KIAA1217: variants seen among roughly 807,000 people sequenced by gnomAD.
KIAA1217 encodes the protein KIAA1217.
Under a neutral mutation model 163.9 loss-of-function variants are expected in KIAA1217, and 88 were observed. That is an observed-to-expected ratio of 0.54 (90% confidence interval 0.45 to 0.64). The LOEUF (loss-of-function observed/expected upper bound fraction) is 0.64, where lower values mean the gene tolerates loss of function less well. Ranked by LOEUF, KIAA1217 falls within the 30% of genes least tolerant of loss-of-function variation. KIAA1217 has a pLI of 0.00. For missense variants in KIAA1217, 2,372 were observed against 2,475.0 expected (o/e 0.96, Z 0.88); for synonymous variants, 903 against 923.1 (o/e 0.98, Z 0.39).
At chr10:24,539,910 T>C (rs2074752641) in intron 17 of KIAA1217, among the ~76,000 whole-genome samples, 2 of 152,216 alleles carry the variant, frequency 1.3e-5, no homozygotes. Context: ...TGGTTTATTG[T>C]CCATATGCCT....
intron 2 of KIAA1217, among the ~76,000 whole-genome samples, chr10:24,290,330 TAA>T (rs1832302069): frequency 6.6e-6 from 1 of 152,184 alleles, no homozygotes; most frequent in South Asian, 2.1e-4. Flanking sequence ...TTAAAAATAT[TAA>T]GAGTAACTCT....
intron 1 of KIAA1217, among the ~76,000 whole-genome samples, chr10:23,699,173 G>A (rs1836246650): frequency 2.0e-5 from 3 of 152,236 alleles, no homozygotes; most frequent in South Asian, 2.1e-4. Context: ...GGACAGGGCA[G>A]CAAAGGACTT....
chr10:24,118,261 G>GA (rs1375911232), intron 2 of KIAA1217, among the ~76,000 whole-genome samples: 1 of 152,100 alleles, frequency 6.6e-6, no homozygotes, highest in East Asian at 1.9e-4. Flanking sequence ...TGCAATAGGG[G>GA]TGATGACAAA....
At chr10:24,290,644 C>T (rs1429667017) in intron 2 of KIAA1217, among the ~76,000 whole-genome samples, 1 of 150,818 alleles carries the variant, frequency 6.6e-6, no homozygotes. Context: ...TGCTCTGTCA[C>T]CCAGGCTGGA....
In KIAA1217 at chr10:24,252,493, T is replaced by C. The variant is rs559455522; in HGVS notation, c.354+32584T>C. 5.9e-5 allele frequency among the ~76,000 whole-genome samples: 9 copies of C among 152,284 alleles called. No individual in the cohort carries two copies. In the South Asian group the frequency reaches 1.9e-3, roughly 32 times the overall value. On this transcript the variant is annotated intron_variant, in intron 2 of 20. Transcript: ENST00000376454. ...TACTCTAGAAGCCGAGGCCAAAGGATTGCTTGAGGCCAGAAGGTTGAGCCT... is the reference window on the plus strand; with the variant it reads ...TACTCTAGAAGCCGAGGCCAAAGGACTGCTTGAGGCCAGAAGGTTGAGCCT...
At chr10:24,080,683 G>T (rs2061509181) in intron 2 of KIAA1217, among the ~76,000 whole-genome samples, 1 of 152,162 alleles carries the variant, frequency 6.6e-6, no homozygotes, top group Admixed American at 6.5e-5. Flanking sequence ...TATTTGACTT[G>T]ATGTGTAAAT....
At chr10:24,341,361 T>C (rs1204449379) in intron 2 of KIAA1217, among the ~76,000 whole-genome samples, 1 of 152,110 alleles carries the variant, frequency 6.6e-6, no homozygotes, top group African/African-American at 2.4e-5. Context: ...CAAGCCAAGA[T>C]GATTCTTTCT....
intron 1 of KIAA1217, among the ~76,000 whole-genome samples, chr10:24,214,703 A>G (rs1034419737): frequency 9.9e-5 from 15 of 152,198 alleles, no homozygotes; most frequent in Non-Finnish European, 2.1e-4. Context: ...GCAACTCCCT[A>G]TGATGCTCCC....
intron 2 of KIAA1217, among the ~76,000 whole-genome samples, chr10:24,101,549 T>C (rs777097812): frequency 6.6e-6 from 1 of 152,170 alleles, no homozygotes; most frequent in Non-Finnish European, 1.5e-5. Flanking sequence ...CATATTCTGT[T>C]TGCACATTAT....
At chr10:23,938,043 A>G (rs12266817) in intron 1 of KIAA1217, among the ~76,000 whole-genome samples, 28,273 of 152,132 alleles carry the variant, frequency 0.19, 4,976 homozygotes, top group African/African-American at 0.47. Context: ...AAGTGAATAC[A>G]AAGAGAGCAC....
At chr10:23,782,619 G>A (rs1042463609) in intron 1 of KIAA1217, among the ~76,000 whole-genome samples, 3 of 152,094 alleles carry the variant, frequency 2.0e-5, no homozygotes, top group Non-Finnish European at 2.9e-5. Context: ...TTTTAGTAGA[G>A]ACGGGGTTTC....
intron 2 of KIAA1217, among the ~76,000 whole-genome samples, chr10:24,040,719 A>G (rs2131556469): frequency 6.6e-6 from 1 of 152,296 alleles, no homozygotes. Context: ...GTGTGATCCT[A>G]CTATGGACTC....
rs928591364 is a variant in KIAA1217 at position 24,334,258 on chromosome 10, G to T, written c.355-46611G>T. On this transcript the variant is annotated intron_variant, in intron 2 of 20. Transcript: ENST00000376454. ...CTATTGCAAGAAAGTTTTCACTAGG[G>T]GTTGGGCATGGCGGAGCATGCCTAT... 2.0e-5 allele frequency among the ~76,000 whole-genome samples: 3 copies of T among 152,094 alleles called. No individual in the cohort carries two copies. In the South Asian group the frequency reaches 6.2e-4, roughly 32 times the overall value.
chr10:23,707,036 C>T (rs182204683), intron 1 of KIAA1217, among the ~76,000 whole-genome samples: 3 of 152,250 alleles, frequency 2.0e-5, no homozygotes, highest in Non-Finnish European at 1.5e-5. Flanking sequence ...TATTGATCAC[C>T]AGCTGCTATC....
chr10:23,945,548 G>A (rs188273182), intron 1 of KIAA1217, among the ~76,000 whole-genome samples: 3 of 152,236 alleles, frequency 2.0e-5, no homozygotes, highest in African/African-American at 2.4e-5. Context: ...TGGCGGTTAC[G>A]AAGTGTATAC....
At chr10:24,198,832 A>G (rs2067113844) in intron 2 of KIAA1217, among the ~76,000 whole-genome samples, 1 of 152,166 alleles carries the variant, frequency 6.6e-6, no homozygotes, top group Non-Finnish European at 1.5e-5. Flanking sequence ...GAAAAACTGA[A>G]GGTGTGAGTG....
intron 1 of KIAA1217, among the ~76,000 whole-genome samples, chr10:23,766,181 G>T (rs115498419): frequency 2.2e-3 from 335 of 152,310 alleles, no homozygotes; most frequent in African/African-American, 7.9e-3. Context: ...AGTTCCCCCA[G>T]GAGATTTTTA....
intron 1 of KIAA1217, among the ~76,000 whole-genome samples, chr10:23,887,599 C>T (rs1841239154): frequency 6.6e-6 from 1 of 151,686 alleles, no homozygotes; most frequent in African/African-American, 2.4e-5. Context: ...ATAAAATGCT[C>T]ATTTTATACC....
In KIAA1217 at chr10:24,062,900, C is replaced by T. The variant is rs192786572; in HGVS notation, c.-171+55526C>T. ...TTCTGTGATGGCCAGTGATGATGAG[C>T]ATTTTTTCATGTGTTTTTTTGGCTG... is the stretch of plus-strand genomic sequence containing the variant. On this transcript the variant is annotated intron_variant, in intron 2 of 18. Transcript: ENST00000376462. 5.0e-5 allele frequency among the ~76,000 whole-genome samples: 7 copies of T among 139,150 alleles called. No homozygotes were observed. In the East Asian group the frequency reaches 1.2e-3, roughly 23 times the overall value. 91.3% of individuals were successfully genotyped at this position (139,150 alleles called of 152,430 possible).
Sources: gnomAD v4.1 joint callset for allele counts (sites outside exome capture counted in the v4.1 genomes callset) on GRCh38, gnomAD v4.1.1 for gene constraint, MANE v1.5 for transcripts, NCBI Gene and HGNC (gene_info 2026-07-23, HGNC 2026-07-21) for gene names.